The following PTPRD variants were observed in gnomAD, a reference collection of about 807,000 sequenced individuals.
PTPRD encodes the protein protein tyrosine phosphatase receptor type D, also known as receptor-type tyrosine-protein phosphatase delta.
Under a neutral mutation model 214.5 loss-of-function variants are expected in PTPRD, and 34 were observed. That is an observed-to-expected ratio of 0.16 (90% CI 0.12 to 0.21). The LOEUF is 0.21. Ranked by LOEUF, PTPRD falls within the 10% of genes least tolerant of loss-of-function variation. The pLI is 1.00. For missense variants in PTPRD, 2,545 were observed against 2,398.7 expected (o/e 1.06, Z -1.27); for synonymous variants, 1,128 against 845.7 (o/e 1.33, Z -5.79).
chr9:9,060,755 C>T (rs527369014), intron 10 of PTPRD, among the ~76,000 whole-genome samples: 171 of 152,200 alleles, frequency 1.1e-3, no homozygotes, highest in African/African-American at 2.6e-3. Flanking sequence ...CACCGAGTGT[C>T]GTAACCTACT....
chr9:10,195,406 G>T, intron 3 of PTPRD, among the ~76,000 whole-genome samples: 1 of 152,044 alleles, frequency 6.6e-6, no homozygotes, highest in East Asian at 1.9e-4. Flanking sequence ...AATCAAGATT[G>T]CATTTCCTAG....
At chr9:9,080,799 T>C (rs1054969215) in intron 10 of PTPRD, among the ~76,000 whole-genome samples, 8 of 152,180 alleles carry the variant, frequency 5.3e-5, no homozygotes, top group Non-Finnish European at 7.4e-5. Context: ...GTGTTTACAA[T>C]ATTCTCTGAT....
intron 3 of PTPRD, among the ~76,000 whole-genome samples, chr9:10,174,334 G>A (rs2099232339): frequency 6.6e-6 from 1 of 151,960 alleles, no homozygotes; most frequent in African/African-American, 2.4e-5. Flanking sequence ...AAACAGCCTG[G>A]AAATTCATCC....
intron 8 of PTPRD, among the ~76,000 whole-genome samples, chr9:9,441,254 C>T (rs1432290499): frequency 1.3e-5 from 2 of 152,074 alleles, no homozygotes; most frequent in Admixed American, 1.3e-4. Context: ...ATAACTATGT[C>T]CATCACACCA....
intron 9 of PTPRD, among the ~76,000 whole-genome samples, chr9:9,257,157 T>TG (rs1185448768): frequency 6.6e-6 from 1 of 151,896 alleles, no homozygotes; most frequent in Non-Finnish European, 1.5e-5. Context: ...TCCTCTTTTG[T>TG]GGGGGGTAGA....
At chr9:8,834,427 A>ATCTG (rs1555405456) in intron 11 of PTPRD, among the ~76,000 whole-genome samples, 4 of 151,432 alleles carry the variant, frequency 2.6e-5, no homozygotes, top group Non-Finnish European at 5.9e-5. Context: ...CTCTTTTATA[A>ATCTG]CCTGTTTTTG....
intron 35 of PTPRD, among the ~76,000 whole-genome samples, chr9:8,408,034 ATGAG>A (rs1483029303): frequency 6.6e-6 from 1 of 152,330 alleles, no homozygotes; most frequent in Middle Eastern, 3.4e-3. Flanking sequence ...GAGATCATGA[ATGAG>A]TAAGACCCTA....
chr9:10,362,895 A>C (rs1598132982), intron 2 of PTPRD, among the ~76,000 whole-genome samples: 1 of 152,186 alleles, frequency 6.6e-6, no homozygotes, highest in African/African-American at 2.4e-5. Context: ...AAATAAAAAA[A>C]TAAATAAATA....
intron 14 of PTPRD, among the ~76,000 whole-genome samples, chr9:8,624,168 G>A (rs549290517): frequency 6.6e-6 from 1 of 151,768 alleles, no homozygotes; most frequent in Admixed American, 6.6e-5. Flanking sequence ...GCATTCTGAA[G>A]AATATGGAAA....
intron 5 of PTPRD, among the ~76,000 whole-genome samples, chr9:9,785,568 T>C (rs1193146334): frequency 3.3e-5 from 5 of 152,036 alleles, no homozygotes; most frequent in African/African-American, 1.2e-4. Flanking sequence ...ACTCATAAAA[T>C]GTTTCAAGAT....
chr9:10,102,949 C>A (rs1428123038), intron 3 of PTPRD, among the ~76,000 whole-genome samples: 1 of 151,660 alleles, frequency 6.6e-6, no homozygotes, highest in Admixed American at 6.6e-5. Flanking sequence ...TTTCTTCATT[C>A]ATTCCTTCAA....
intron 11 of PTPRD, among the ~76,000 whole-genome samples, chr9:8,747,166 T>C (rs993048432): frequency 1.3e-5 from 2 of 152,230 alleles, no homozygotes; most frequent in African/African-American, 4.8e-5. Context: ...TTTAATATTT[T>C]TAAATCATAG....
At chr9:8,645,867 G>C (rs1322174719) in intron 12 of PTPRD, among the ~76,000 whole-genome samples, 2 of 151,648 alleles carry the variant, frequency 1.3e-5, no homozygotes, top group Non-Finnish European at 2.9e-5. Flanking sequence ...TTCTGTTTTT[G>C]GCATATTCAC....
intron 2 of PTPRD, among the ~76,000 whole-genome samples, chr9:10,397,561 C>A (rs1050363809): frequency 2.0e-5 from 3 of 152,106 alleles, no homozygotes; most frequent in African/African-American, 7.2e-5. Context: ...AACAGCATTT[C>A]AGCCAATGAC....
At chr9:9,532,279 T>A (rs1255108942) in intron 8 of PTPRD, among the ~76,000 whole-genome samples, 1 of 152,142 alleles carries the variant, frequency 6.6e-6, no homozygotes, top group Non-Finnish European at 1.5e-5. Flanking sequence ...GGGTAGAAAC[T>A]GTACACTTAA....
chr9:10,192,050 A>C (rs138139448), intron 3 of PTPRD, among the ~76,000 whole-genome samples: 10 of 152,288 alleles, frequency 6.6e-5, no homozygotes, highest in African/African-American at 2.4e-4. Flanking sequence ...GGATGAAACA[A>C]CTAAGAGTAG....
intron 10 of PTPRD, among the ~76,000 whole-genome samples, chr9:9,132,135 G>A (rs1055924458): frequency 2.6e-5 from 4 of 152,126 alleles, no homozygotes; most frequent in Admixed American, 2.6e-4. Flanking sequence ...AGCCTCCCGA[G>A]TAGCTGGGGC....
chr9:8,391,914 A>C (rs2089712953), intron 36 of PTPRD, among the ~76,000 whole-genome samples: 1 of 146,358 alleles, frequency 6.8e-6, no homozygotes, highest in Admixed American at 6.8e-5. Context: ...GTTATTATGT[A>C]ATGAATTGGG....
chr9:8,756,909 G>C (rs573732921), intron 11 of PTPRD, among the ~76,000 whole-genome samples: 1 of 152,266 alleles, frequency 6.6e-6, no homozygotes, highest in East Asian at 1.9e-4. Context: ...GGGAGGCCGA[G>C]GTGGGCAGAT....
Sources: allele counts gnomAD v4.1 joint callset (sites outside exome capture counted in the v4.1 genomes callset), GRCh38; gene constraint gnomAD v4.1.1; transcripts MANE v1.5; gene names NCBI Gene and HGNC (gene_info 2026-07-23, HGNC 2026-07-21).